Variants in KDM4B observed in about 807,000 individuals in gnomAD.
KDM4B encodes lysine demethylase 4B, also known as lysine-specific demethylase 4B.
KDM4B carries 32 observed loss-of-function variants against 125.2 expected under a neutral mutation model. That is an observed-to-expected ratio of 0.26 (90% CI 0.19 to 0.34). The LOEUF (loss-of-function observed/expected upper bound fraction) is 0.34. Ranked by LOEUF, KDM4B falls within the 10% of genes least tolerant of loss-of-function variation. The pLI, the probability that KDM4B is intolerant of heterozygous loss-of-function variation, is 1.00. For missense variants in KDM4B, 1,190 were observed against 1,577.7 expected (o/e 0.75, Z 4.16); for synonymous variants, 721 against 677.9 (o/e 1.06, Z -0.99).
chr19:5,006,843 C>T (rs2035576815), intron 1 of KDM4B, among the ~76,000 whole-genome samples: 1 of 152,090 alleles, frequency 6.6e-6, no homozygotes, highest in African/African-American at 2.4e-5. Context: ...GGGTTAGCAC[C>T]TCTGGGACTT....
intron 2 of KDM4B, among the ~76,000 whole-genome samples, chr19:5,027,949 G>A (rs1227162558): frequency 6.6e-6 from 1 of 152,122 alleles, no homozygotes; most frequent in South Asian, 2.1e-4. Flanking sequence ...TCAAAAACTT[G>A]TGCAACTATC....
chr19:5,095,955 C>T (rs941678490), intron 9 of KDM4B, among the ~76,000 whole-genome samples: 2 of 152,334 alleles, frequency 1.3e-5, no homozygotes, highest in Middle Eastern at 3.4e-3. Context: ...GCAGAGTGTG[C>T]GCCCCACCAA....
chr19:5,056,897 C>CG (rs2037416768), intron 6 of KDM4B, among the ~76,000 whole-genome samples: 1 of 57,220 alleles, frequency 1.7e-5, no homozygotes, highest in African/African-American at 7.3e-5. Context: ...GGCGGGGAGT[C>CG]CTGGGGCGGG....
In KDM4B at chr19:5,035,904, C is replaced by CGT. The variant is rs2036611572; in HGVS notation, c.141+2873_141+2874insGT. ...GTGCGCGCGCGCGCGCGCCTGCGCGCACAGGAGACTGAGGTGGGGAGGCAG... is the reference window on the plus strand; with the variant it reads ...GTGCGCGCGCGCGCGCGCCTGCGCGCGTACAGGAGACTGAGGTGGGGAGGCAG... On this transcript the variant is annotated intron_variant, in intron 3 of 22. Transcript: ENST00000159111. The surrounding 1 kb of genome is among the most constrained non-coding windows in gnomAD (Gnocchi z 5.3). Among the ~76,000 whole-genome samples, 1 of 144,574 alleles carries CGT rather than the reference C, an allele frequency of 6.9e-6. No individual in the cohort carries two copies. 94.8% of individuals were successfully genotyped at this position (144,574 alleles called of 152,430 possible). A position where few individuals can be genotyped will look rare whatever the true frequency, so the allele number is the denominator to read the frequency against.
rs1011944408 is a variant in KDM4B, at chr19:5,082,012, G to C, written c.781-355G>C. Among the ~76,000 whole-genome samples the C allele has an allele frequency of 6.6e-6, 1 of 152,194 alleles. No homozygotes were observed. The highest frequency in any genetic ancestry group is 1.5e-5 in the Non-Finnish European group (1 of 68,028). On this transcript the variant is annotated intron_variant, in intron 8 of 22. Transcript: ENST00000159111. This position sits in a 1 kb window ranked among gnomAD's most constrained non-coding sequence, Gnocchi z 5.4. Reference sequence around the variant, plus strand: ...ATCGCTCCCCATGAAGGTCCGGCTGGAGACACCCCCACGGGCATTGTGTCC... The same window carrying C: ...ATCGCTCCCCATGAAGGTCCGGCTGCAGACACCCCCACGGGCATTGTGTCC...
At chr19:5,132,541 G>T (rs762155498) in intron 13 of KDM4B, among the ~76,000 whole-genome samples, 1 of 152,104 alleles carries the variant, frequency 6.6e-6, no homozygotes, top group Non-Finnish European at 1.5e-5. Context: ...AATTGGAGGG[G>T]TGGGGAGAGG....
At chr19:5,111,487 G>T in intron 10 of KDM4B, 1 of 765,284 alleles carries the variant, frequency 1.3e-6, no homozygotes, top group South Asian at 1.3e-5. Context: ...AAGAGGCCAT[G>T]GGGACACGGA....
rs1420413460 is a variant in KDM4B, at chr19:4,997,633, G to A, written c.-108-18624G>A. Among the ~76,000 whole-genome samples the A allele has an allele frequency of 1.3e-5, 2 of 152,168 alleles. No homozygotes were observed. The highest frequency in any genetic ancestry group is 2.4e-5 in the African/African-American group (1 of 41,436). Reference sequence around the variant, plus strand: ...TGGAATAGCTGTCCCTGCCTCCTCCGGTTGGTGGGCTGGTCAGCCATGCCA... The same window carrying A: ...TGGAATAGCTGTCCCTGCCTCCTCCAGTTGGTGGGCTGGTCAGCCATGCCA... On this transcript the variant is annotated intron_variant, in intron 1 of 22. Transcript: ENST00000159111. This position sits in a 1 kb window ranked among gnomAD's most constrained non-coding sequence, Gnocchi z 4.2.
chr19:5,039,797 G>T (rs1030945422), intron 3 of KDM4B, 39 bp from the exon 4 acceptor site: 9 of 1,599,120 alleles, frequency 5.6e-6, no homozygotes, highest in African/African-American at 4.0e-5. Context: ...CTGCCCTGAG[G>T]GTCTGAGGGT....
rs376913622 is a variant in KDM4B, at chr19:5,135,323, C to T, written c.2086-16C>T. On this transcript the variant is annotated splice_polypyrimidine_tract_variant and intron_variant, in intron 14 of 22. Transcript: ENST00000159111. ...ACACATGGCTCTGTCCCCTGAAGGT[C>T]GCCTCTCCCCTACAGGCCCTACAGA... is the stretch of plus-strand genomic sequence containing the variant. The T allele has an allele frequency of 3.5e-5, 55 of 1,567,174 alleles. No homozygotes were observed. Among genetic ancestry groups the T allele is most frequent in the African/African-American group, 1.9e-4 (14 of 73,936 alleles).
chr19:5,042,679 TG>T (rs913584519), intron 5 of KDM4B, among the ~76,000 whole-genome samples: 11 of 145,206 alleles, frequency 7.6e-5, no homozygotes, highest in African/African-American at 2.8e-4. Context: ...CAGGAGAGAG[TG>T]AGGGGGGGGG....
intron 15 of KDM4B, 107 bp from the exon 16 acceptor site, chr19:5,137,155 A>G (rs2039662284): frequency 2.7e-6 from 2 of 739,966 alleles, no homozygotes; most frequent in South Asian, 1.6e-5. Context: ...GTCACTCCAC[A>G]TACGGACACT....
chr19:5,073,468 C>T lies in KDM4B; in HGVS notation c.676+2409C>T, dbSNP rs536470405. On this transcript the variant is annotated intron_variant, in intron 7 of 22. Transcript: ENST00000159111. The stretch of plus-strand genomic sequence containing the variant: ...TCCTGGTGCTCTCTGGTGCCCAGAT[C>T]GAGAGGGCCACCCCATCCTTGCCAG... 6.6e-5 allele frequency among the ~76,000 whole-genome samples: 10 copies of T among 152,338 alleles called. 2 individuals are homozygous for T. Among genetic ancestry groups the T allele is most frequent in the African/African-American group, 2.4e-4 (10 of 41,584 alleles).
intron 10 of KDM4B, among the ~76,000 whole-genome samples, chr19:5,116,014 C>T (rs969975983): frequency 6.6e-6 from 1 of 152,078 alleles, no homozygotes; most frequent in African/African-American, 2.4e-5. Context: ...ATGGAAATTA[C>T]CCAAACCACA....
chr19:5,138,207 G>A (rs2039683281), intron 18 of KDM4B, 137 bp downstream of exon 18: 6 of 639,238 alleles, frequency 9.4e-6, no homozygotes, highest in Non-Finnish European at 5.4e-6. Context: ...CAGCTTTCAG[G>A]AAGCCAGTGA....
chr19:5,000,536 C>T (rs937234903), intron 1 of KDM4B, among the ~76,000 whole-genome samples: 56 of 152,234 alleles, frequency 3.7e-4, no homozygotes, highest in African/African-American at 1.2e-3. Context: ...CTTTCCCCAT[C>T]GTTATTTGTA....
At chr19:5,012,039 C>T (rs1458544755) in intron 1 of KDM4B, among the ~76,000 whole-genome samples, 1 of 152,116 alleles carries the variant, frequency 6.6e-6, no homozygotes, top group East Asian at 1.9e-4. Context: ...TGTTTGGGGG[C>T]GTTGTCGTCC....
chr19:5,100,571 G>A (rs1485186389), intron 9 of KDM4B, among the ~76,000 whole-genome samples: 1 of 152,126 alleles, frequency 6.6e-6, no homozygotes, highest in Non-Finnish European at 1.5e-5. Flanking sequence ...CGGACTACAG[G>A]TGTGTGCCAC....
intron 10 of KDM4B, chr19:5,119,060 C>T (rs1339797278): frequency 5.3e-5 from 56 of 1,057,578 alleles, no homozygotes; most frequent in Non-Finnish European, 3.8e-5. Flanking sequence ...CAGGACCAGG[C>T]GTCCTGGGGA....
Sources: allele counts gnomAD v4.1 joint callset (sites outside exome capture counted in the v4.1 genomes callset), GRCh38; gene constraint gnomAD v4.1.1; non-coding constraint Gnocchi (gnomAD v3.1); transcripts MANE v1.5; gene names NCBI Gene and HGNC (gene_info 2026-07-23, HGNC 2026-07-21).